QSOX1: variants seen among roughly 807,000 people sequenced by gnomAD.
The protein encoded by QSOX1 is quiescin sulfhydryl oxidase 1.
QSOX1 carries 40 observed loss-of-function variants against 76.1 expected under a neutral mutation model. The ratio of observed to expected loss-of-function variants is 0.53; its 90% confidence interval spans 0.41 to 0.68. QSOX1 has a LOEUF of 0.68. Among genes scored for constraint, QSOX1 ranks in the 30% least tolerant of loss-of-function variants. The pLI is 0.00. For missense variants in QSOX1, 931 were observed against 974.3 expected (o/e 0.96, Z 0.59); for synonymous variants, 392 against 413.1 (o/e 0.95, Z 0.62).
intron 1 of QSOX1, among the ~76,000 whole-genome samples, chr1:180,163,393 G>T (rs1662539335): frequency 6.6e-6 from 1 of 152,014 alleles, no homozygotes; most frequent in Non-Finnish European, 1.5e-5. Flanking sequence ...ATTATTTTTA[G>T]TTTTAGTTGC....
intron 4 of QSOX1, 83 bp downstream of exon 4, chr1:180,176,116 C>CG (rs1003774671): frequency 7.1e-6 from 8 of 1,131,112 alleles, no homozygotes; most frequent in Non-Finnish European, 1.3e-6. Flanking sequence ...AACAGCAGGG[C>CG]GGGGACCCCA....
intron 5 of QSOX1, among the ~76,000 whole-genome samples, chr1:180,181,706 G>T (rs2149238218): frequency 6.6e-6 from 1 of 152,258 alleles, no homozygotes; most frequent in East Asian, 1.9e-4. Flanking sequence ...AATTTCTAAA[G>T]GGATCTTTTC....
Position 180,175,912 on chromosome 1 carries a change from C to A in QSOX1, c.413-19C>A. ...CTCTGCTCTCCTGACACTCCGCTCACGCCTGTTTTCATTTACAGTGGCTGG... is the reference window on the plus strand; with the variant it reads ...CTCTGCTCTCCTGACACTCCGCTCAAGCCTGTTTTCATTTACAGTGGCTGG... On this transcript the variant is annotated intron_variant, in intron 3 of 11. Transcript: ENST00000367602. The A allele has an allele frequency of 6.4e-7, 1 of 1,561,612 alleles. No individual in the cohort carries two copies. The highest frequency in any genetic ancestry group is 2.3e-5 in the East Asian group (1 of 43,416).
intron 1 of QSOX1, among the ~76,000 whole-genome samples, chr1:180,165,737 C>T (rs73038430): frequency 0.016 from 2,368 of 152,382 alleles, 31 homozygotes; most frequent in Middle Eastern, 0.034. Flanking sequence ...GCTCACGGGG[C>T]ACCTGACCTG....
Position 180,193,812 on chromosome 1 carries a change from G to A in QSOX1, c.1289-401G>A, listed in dbSNP as rs1196238367. ...AGGTGACGCATGGTGGAAGCAAGTC[G>A]GACAGGCAGCATGAGTGGGCAGGGG... On this transcript the variant is annotated intron_variant, in intron 10 of 11. Transcript: ENST00000367602. 5.9e-5 allele frequency among the ~76,000 whole-genome samples: 9 copies of A among 152,114 alleles called. No individual in the cohort carries two copies. The South Asian group carries it at 1.0e-3, about 18-fold the overall frequency.
intron 5 of QSOX1, among the ~76,000 whole-genome samples, chr1:180,179,168 A>G (rs925701539): frequency 3.3e-5 from 5 of 152,222 alleles, no homozygotes; most frequent in African/African-American, 9.6e-5. Context: ...CTAATCCCCA[A>G]AATTAATGAA....
Position 180,175,156 on chromosome 1 carries a change from C to CAA in QSOX1, c.367-153_367-152dup, listed in dbSNP as rs397982130. The stretch of plus-strand genomic sequence containing the variant: ...TGAGCGACAGAGCGAGACTCTGTCT[C>CAA]AAAAAAAAAAAAAGAAAGAAAGAAA... On this transcript the variant is annotated intron_variant, in intron 2 of 11. Coordinates refer to ENST00000367602, the MANE Select transcript of QSOX1 (RefSeq NM_002826.5). Among the ~76,000 whole-genome samples, 525 of 136,646 alleles carry CAA rather than the reference C, an allele frequency of 3.8e-3. 4 individuals are homozygous for CAA. The highest frequency in any genetic ancestry group is 0.031 in the East Asian group (145 of 4,612). 89.6% of individuals were successfully genotyped at this position (136,646 alleles called of 152,430 possible). A position where few individuals can be genotyped will look rare whatever the true frequency, so the allele number is the denominator to read the frequency against.
At position 180,196,514 on chromosome 1, in the gene QSOX1, G is replaced by A. The variant is rs750160362; in HGVS notation, c.1721G>A (p.Arg574Gln). 10 of 1,613,978 alleles carry A rather than the reference G, an allele frequency of 6.2e-6. No individual in the cohort carries two copies. The highest frequency in any genetic ancestry group is 1.1e-5 in the South Asian group (1 of 91,086). ...ATGGGAGCCCTGGAGCTGGAAAGCC[G>A]GAATTCAACTCTGGACCCTGGGAAG... ...LAMGALELES[R>Q]NSTLDPGKPE... The change falls in exon 12 of 12, where the codon CGG (arginine) becomes CAG (glutamine). Residue 574 changes from arginine (R) to glutamine (Q), a missense_variant. Physicochemically the swap from Arg to Gln is conservative, Grantham distance 43. Transcript: ENST00000367602. This position sits in a 1 kb window ranked among gnomAD's most constrained non-coding sequence, Gnocchi z 4.1.
At chr1:180,187,872 C>T (rs55881162) in intron 8 of QSOX1, among the ~76,000 whole-genome samples, 29 of 152,350 alleles carry the variant, frequency 1.9e-4, no homozygotes, top group African/African-American at 6.5e-4. Flanking sequence ...TTTGCCCGCA[C>T]ATCCCCTGGG....
Position 180,198,069 on chromosome 1 carries a change from C to T in QSOX1, c.*1032C>T, listed in dbSNP as rs1441797646. 1.5e-5 allele frequency: 6 copies of T among 407,870 alleles called. No individual in the cohort carries two copies. Among genetic ancestry groups the T allele is most frequent in the Non-Finnish European group, 3.0e-5 (6 of 197,318 alleles). The allele number at this position is 407,870 out of a possible 1,614,324, so 25.3% of individuals were successfully genotyped here. On this transcript the variant is annotated 3_prime_UTR_variant, in exon 12 of 12. Coordinates refer to ENST00000367602, the MANE Select transcript of QSOX1 (RefSeq NM_002826.5). The stretch of plus-strand genomic sequence containing the variant: ...TGTTCTTTAACTTGCTACTTGGAGA[C>T]CTAGTGTCCAGTCTGGACAGAATGC...
intron 1 of QSOX1, among the ~76,000 whole-genome samples, chr1:180,156,972 A>C (rs1662388563): frequency 6.6e-6 from 1 of 152,220 alleles, no homozygotes. Flanking sequence ...ATTAGCTTCC[A>C]GCTGACTCAC....
Position 180,197,907 on chromosome 1 carries a change from C to T in QSOX1, c.*870C>T. ...CTAGGGAGGGGAGTGTCTTCTCTCTCCAGGTTTCACCTTCCAGTGTGCAGA... is the reference window on the plus strand; with the variant it reads ...CTAGGGAGGGGAGTGTCTTCTCTCTTCAGGTTTCACCTTCCAGTGTGCAGA... On this transcript the variant is annotated 3_prime_UTR_variant, in exon 12 of 12. Transcript: ENST00000367602. 1 of 320,442 alleles carries T rather than the reference C, an allele frequency of 3.1e-6. No individual in the cohort carries two copies. The highest frequency in any genetic ancestry group is 8.3e-5 in the East Asian group (1 of 12,074). The allele number at this position is 320,442 out of a possible 1,614,324, so 19.8% of individuals were successfully genotyped here. A position where few individuals can be genotyped will look rare whatever the true frequency, so the allele number is the denominator to read the frequency against.
Position 180,197,617 on chromosome 1 carries a change from C to T in QSOX1, c.*580C>T. ...TTGGCTTCAGGGTGGGGTTTGGAAG[C>T]TTCTGGAAGTCGTGCTGGTCTCCCA... On this transcript the variant is annotated 3_prime_UTR_variant, in exon 12 of 12. Coordinates refer to ENST00000367602, the MANE Select transcript of QSOX1 (RefSeq NM_002826.5). The T allele has an allele frequency of 1.9e-6, 1 of 519,840 alleles. No homozygotes were observed. Among genetic ancestry groups the T allele is most frequent in the East Asian group, 3.4e-5 (1 of 29,698 alleles). The allele number at this position is 519,840 out of a possible 1,614,324, so 32.2% of individuals were successfully genotyped here. A position where few individuals can be genotyped will look rare whatever the true frequency, so the allele number is the denominator to read the frequency against.
At chr1:180,183,797 A>G (rs1663099355) in intron 6 of QSOX1, 119 bp from the exon 7 acceptor site, 1 of 1,176,370 alleles carries the variant, frequency 8.5e-7, no homozygotes, top group South Asian at 1.5e-5. Flanking sequence ...AATCTCGTTC[A>G]CATATTTAAT....
chr1:180,187,241 C>CA (rs1355483159), intron 8 of QSOX1, among the ~76,000 whole-genome samples: 1 of 152,246 alleles, frequency 6.6e-6, no homozygotes, highest in African/African-American at 2.4e-5. Flanking sequence ...CAGCCTAAGG[C>CA]AGGACAGTCG....
intron 2 of QSOX1, among the ~76,000 whole-genome samples, chr1:180,170,357 A>C (rs1223461038): frequency 1.3e-5 from 2 of 152,176 alleles, no homozygotes; most frequent in Non-Finnish European, 2.9e-5. Context: ...TGGTTAAGGT[A>C]ATGGATCCTC....
intron 9 of QSOX1, 130 bp from the exon 10 acceptor site, chr1:180,190,303 A>G: frequency 2.8e-6 from 3 of 1,073,910 alleles, no homozygotes; most frequent in African/African-American, 1.6e-5. Flanking sequence ...GGTGAAAGGG[A>G]AATGCCACCT....
At position 180,190,522 on chromosome 1, in the gene QSOX1, C is replaced by T. The variant is rs1050154; in HGVS notation, c.1230C>T (p.Leu410=). 253,111 of 1,613,590 alleles carry T rather than the reference C, an allele frequency of 0.16. 21,093 individuals carry two copies. The highest frequency in any genetic ancestry group is 0.19 in the South Asian group (17,118 of 91,020). Residue 410 remains leucine, a synonymous_variant, in exon 10 of 12, where the codon CTC becomes CTT. Transcript: ENST00000367602. ...GCTTTCCCTGCTCCCTGTGGGTCCT[C>T]TTCCACTTCTTGACTGTGCAGGCAG... The part of the protein sequence containing the change: ...FRGFPCSLWV[L]FHFLTVQAAR...
chr1:180,183,595 G>C (rs1663094097), intron 6 of QSOX1, among the ~76,000 whole-genome samples: 1 of 152,198 alleles, frequency 6.6e-6, no homozygotes, highest in African/African-American at 2.4e-5. Flanking sequence ...TGGGCACCGG[G>C]CTGTCCCGTG....
Sources: allele counts gnomAD v4.1 joint callset (sites outside exome capture counted in the v4.1 genomes callset), GRCh38; gene constraint gnomAD v4.1.1; non-coding constraint Gnocchi (gnomAD v3.1); transcripts MANE v1.5; gene names NCBI Gene and HGNC (gene_info 2026-07-23, HGNC 2026-07-21).